Variants in SLC44A5 observed in about 807,000 individuals in gnomAD.
SLC44A5 encodes choline transporter-like protein 5.
In SLC44A5, 57 loss-of-function variants were observed where a neutral mutation model predicts 101.8. The ratio of observed to expected loss-of-function variants is 0.56; its 90% CI spans 0.45 to 0.70. The LOEUF (loss-of-function observed/expected upper bound fraction) is 0.70. Among genes scored for constraint, SLC44A5 ranks in the 30% least tolerant of loss-of-function variants. SLC44A5 has a pLI of 0.00. For missense variants in SLC44A5, 737 were observed against 853.1 expected (o/e 0.86, Z 1.70); for synonymous variants, 281 against 290.9 (o/e 0.97, Z 0.35).
chr1:75,359,466 C>A (rs1659332313), intron 3 of SLC44A5, among the ~76,000 whole-genome samples: 1 of 151,634 alleles, frequency 6.6e-6, no homozygotes, highest in South Asian at 2.1e-4. Context: ...ATCTGGAACT[C>A]CTGGGCTCAA....
At chr1:75,707,977 G>C in the SLC44A5 span, among the ~76,000 whole-genome samples, 4 of 152,142 alleles carry the variant, frequency 2.6e-5, no homozygotes, top group Non-Finnish European at 5.9e-5. Flanking sequence ...TATGGTATTT[G>C]ACATGTAGTT....
intron 4 of SLC44A5, among the ~76,000 whole-genome samples, chr1:75,319,270 A>G (rs1557658223): frequency 6.6e-6 from 1 of 152,178 alleles, no homozygotes; most frequent in Non-Finnish European, 1.5e-5. Flanking sequence ...CTCTGAATAT[A>G]TGACTAGCTT....
the SLC44A5 span, among the ~76,000 whole-genome samples, chr1:75,717,495 C>A: frequency 1.3e-5 from 2 of 152,138 alleles, no homozygotes; most frequent in African/African-American, 4.8e-5. Flanking sequence ...GATCAAAAAA[C>A]TACCTATTGG....
chr1:75,329,773 G>C (rs1218735149), intron 4 of SLC44A5, among the ~76,000 whole-genome samples: 1 of 151,872 alleles, frequency 6.6e-6, no homozygotes, highest in Non-Finnish European at 1.5e-5. Flanking sequence ...TTTTATTTAG[G>C]CTCTAGTTTT....
chr1:75,388,232 A>AAATC (rs1661525695), intron 3 of SLC44A5, among the ~76,000 whole-genome samples: 1 of 148,534 alleles, frequency 6.7e-6, no homozygotes, highest in Non-Finnish European at 1.5e-5. Context: ...ATAAATAAAT[A>AAATC]AATCCAAAAA....
chr1:75,611,361 T>G (rs1350019588), upstream of SLC44A5, among the ~76,000 whole-genome samples: 3 of 152,192 alleles, frequency 2.0e-5, no homozygotes, highest in Admixed American at 6.5e-5. Flanking sequence ...TAAAATAATC[T>G]ACTATTATTT....
At chr1:75,437,726 A>G (rs963415864) in intron 2 of SLC44A5, among the ~76,000 whole-genome samples, 1 of 151,968 alleles carries the variant, frequency 6.6e-6, no homozygotes, top group Non-Finnish European at 1.5e-5. Flanking sequence ...CATCTCCAAC[A>G]CTCTCACTGG....
chr1:75,456,556 C>T (rs1423152700), intron 2 of SLC44A5, among the ~76,000 whole-genome samples: 3 of 152,132 alleles, frequency 2.0e-5, no homozygotes, highest in Non-Finnish European at 4.4e-5. Flanking sequence ...ATATTTGATC[C>T]AAATTTCACT....
At chr1:75,243,651 A>G (rs1412050550) in intron 7 of SLC44A5, among the ~76,000 whole-genome samples, 2 of 152,090 alleles carry the variant, frequency 1.3e-5, no homozygotes, top group Non-Finnish European at 2.9e-5. Context: ...GTTTTCCTCA[A>G]TGGTAAGAAC....
At chr1:75,653,314 G>A in the SLC44A5 span, among the ~76,000 whole-genome samples, 10 of 151,894 alleles carry the variant, frequency 6.6e-5, no homozygotes, top group African/African-American at 1.7e-4. Flanking sequence ...AAACCTCATC[G>A]CTACTAAAAA....
At chr1:75,284,494 C>T (rs777978751) in intron 5 of SLC44A5, among the ~76,000 whole-genome samples, 1 of 151,886 alleles carries the variant, frequency 6.6e-6, no homozygotes, top group Non-Finnish European at 1.5e-5. Flanking sequence ...ATTTGAATGC[C>T]CTTTATTATT....
At chr1:75,596,513 C>A (rs577811557) in intron 1 of SLC44A5, among the ~76,000 whole-genome samples, 3 of 152,174 alleles carry the variant, frequency 2.0e-5, no homozygotes, top group African/African-American at 7.2e-5. Context: ...AAGAAAACTT[C>A]AGGCCAATAT....
At chr1:75,369,179 A>ATT (rs887315452) in intron 3 of SLC44A5, among the ~76,000 whole-genome samples, 2 of 146,698 alleles carry the variant, frequency 1.4e-5, no homozygotes, top group African/African-American at 5.0e-5. Flanking sequence ...ACACTTGGCT[A>ATT]TTTTTTTTTT....
intron 2 of SLC44A5, among the ~76,000 whole-genome samples, chr1:75,417,880 T>G (rs1359300454): frequency 2.0e-5 from 3 of 152,244 alleles, no homozygotes; most frequent in Non-Finnish European, 4.4e-5. Flanking sequence ...AAAACTGTTG[T>G]GCATTTCTCA....
chr1:75,677,601 A>G, the SLC44A5 span: 3 of 297,492 alleles, frequency 1.0e-5, no homozygotes, highest in African/African-American at 4.7e-5. Context: ...CTGGAAAACT[A>G]ATAACAAAAT....
chr1:75,315,401 GA>G (rs1279923504), intron 4 of SLC44A5, among the ~76,000 whole-genome samples: 1 of 152,114 alleles, frequency 6.6e-6, no homozygotes, highest in Non-Finnish European at 1.5e-5. Context: ...TTACTAGGCA[GA>G]ACACCACAAT....
chr1:75,700,637 G>C, the SLC44A5 span, among the ~76,000 whole-genome samples: 1 of 152,044 alleles, frequency 6.6e-6, no homozygotes, highest in Admixed American at 6.5e-5. Flanking sequence ...GCTAGCAGAA[G>C]GCAAGAAATA....
At chr1:75,594,565 G>A (rs1051676099) in intron 1 of SLC44A5, among the ~76,000 whole-genome samples, 2 of 151,846 alleles carry the variant, frequency 1.3e-5, no homozygotes, top group African/African-American at 4.8e-5. Flanking sequence ...CTGTAAAATG[G>A]CATTCAAAAT....
At chr1:75,402,662 A>C (rs746194341) in intron 2 of SLC44A5, among the ~76,000 whole-genome samples, 1 of 152,060 alleles carries the variant, frequency 6.6e-6, no homozygotes, top group Non-Finnish European at 1.5e-5. Context: ...TGGCCCAGAT[A>C]CTACACTTTT....
Sources: gnomAD v4.1 joint callset for allele counts (sites outside exome capture counted in the v4.1 genomes callset) on GRCh38, gnomAD v4.1.1 for gene constraint, MANE v1.5 for transcripts, NCBI Gene and HGNC (gene_info 2026-07-23, HGNC 2026-07-21) for gene names.